The following CTNND2 variants were observed in gnomAD, a reference collection of about 807,000 sequenced individuals.
CTNND2 encodes the protein catenin delta 2, also known as catenin delta-2.
CTNND2 carries 22 observed loss-of-function variants against 144.4 expected under a neutral mutation model. The ratio of observed to expected loss-of-function variants is 0.15; its 90% CI spans 0.11 to 0.22. The LOEUF (loss-of-function observed/expected upper bound fraction) is 0.22. CTNND2 is among the 10% of genes least tolerant of loss of function. The probability of loss-of-function intolerance (pLI) is 1.00; values close to 1 mark genes in which losing one functional copy is unlikely to be tolerated. For synonymous variants in CTNND2, 751 were observed against 695.6 expected (o/e 1.08, Z -1.25); for missense variants, 1,353 against 1,618.8 (o/e 0.84, Z 2.82).
At chr5:11,542,045 G>A (rs1373343520) in intron 3 of CTNND2, among the ~76,000 whole-genome samples, 1 of 151,826 alleles carries the variant, frequency 6.6e-6, no homozygotes, top group Non-Finnish European at 1.5e-5. Context: ...CCCCCTTCCT[G>A]TTGAAAAAGC....
intron 1 of CTNND2, among the ~76,000 whole-genome samples, chr5:11,885,816 A>G (rs1236662422): frequency 6.6e-6 from 1 of 152,192 alleles, no homozygotes; most frequent in Non-Finnish European, 1.5e-5. Context: ...AAATAAAATC[A>G]TATCAAGTAC....
chr5:11,574,573 T>C (rs1777829331), intron 2 of CTNND2, among the ~76,000 whole-genome samples: 1 of 152,176 alleles, frequency 6.6e-6, no homozygotes, highest in African/African-American at 2.4e-5. Flanking sequence ...TTATTTTAGT[T>C]TTCCTCGCCT....
chr5:11,628,788 G>C (rs1296167315), intron 2 of CTNND2, among the ~76,000 whole-genome samples: 1 of 151,900 alleles, frequency 6.6e-6, no homozygotes, highest in Non-Finnish European at 1.5e-5. Flanking sequence ...AAAAAAAAGA[G>C]TGGTTAAAGC....
chr5:11,831,623 C>A (rs532156930), intron 1 of CTNND2, among the ~76,000 whole-genome samples: 1 of 149,648 alleles, frequency 6.7e-6, no homozygotes, highest in African/African-American at 2.5e-5. Flanking sequence ...GCCGAGATTG[C>A]GCCACTGCAC....
At chr5:11,806,630 G>T (rs551558652) in intron 1 of CTNND2, among the ~76,000 whole-genome samples, 53 of 152,184 alleles carry the variant, frequency 3.5e-4, no homozygotes, top group African/African-American at 1.1e-3. Flanking sequence ...AAAAACCTGG[G>T]TAAGTTCTTT....
chr5:11,615,240 T>C lies in CTNND2; in HGVS notation c.175-50184A>G, dbSNP rs142395777. Among the ~76,000 whole-genome samples the C allele has an allele frequency of 5.3e-5, 8 of 152,318 alleles. No homozygotes were observed. The East Asian group carries it at 1.4e-3, about 26-fold the overall frequency. ...CAAAAGAAATCACCATTACCTTTAATGGCAAAAACCGCAATTACTTTTGCA... is the reference window on the plus strand; with the variant it reads ...CAAAAGAAATCACCATTACCTTTAACGGCAAAAACCGCAATTACTTTTGCA... On this transcript the variant is annotated intron_variant, in intron 2 of 21. Transcript: ENST00000304623.
At chr5:11,059,220 CA>C (rs1378579968) in intron 16 of CTNND2, among the ~76,000 whole-genome samples, 1 of 152,136 alleles carries the variant, frequency 6.6e-6, no homozygotes, top group Non-Finnish European at 1.5e-5. Context: ...TGTCCACACC[CA>C]AATCTCATCT....
chr5:11,852,040 C>T (rs370186827), intron 1 of CTNND2, among the ~76,000 whole-genome samples: 11 of 152,160 alleles, frequency 7.2e-5, no homozygotes, highest in South Asian at 6.2e-4. Context: ...AATTAACTTA[C>T]GTCTCTTAAC....
intron 16 of CTNND2, among the ~76,000 whole-genome samples, chr5:11,053,300 T>A (rs1323485515): frequency 6.6e-6 from 1 of 152,230 alleles, no homozygotes; most frequent in Non-Finnish European, 1.5e-5. Flanking sequence ...GTGCTATGAA[T>A]GAAACAGATG....
chr5:11,668,158 G>A (rs1783677413), intron 2 of CTNND2, among the ~76,000 whole-genome samples: 1 of 152,150 alleles, frequency 6.6e-6, no homozygotes, highest in Non-Finnish European at 1.5e-5. Context: ...TGCTGTTTTG[G>A]TTACTGTAGC....
chr5:11,727,502 G>T (rs1481653382), intron 2 of CTNND2, among the ~76,000 whole-genome samples: 1 of 152,054 alleles, frequency 6.6e-6, no homozygotes. Context: ...TGCAACAAAA[G>T]TTAAAGGAAA....
At chr5:11,021,566 A>G (rs1347286475) in intron 17 of CTNND2, among the ~76,000 whole-genome samples, 1 of 152,200 alleles carries the variant, frequency 6.6e-6, no homozygotes, top group Non-Finnish European at 1.5e-5. Flanking sequence ...CTGCGCAATT[A>G]TTATATGAGT....
At chr5:11,764,275 A>G (rs988219567) in intron 1 of CTNND2, among the ~76,000 whole-genome samples, 6 of 152,140 alleles carry the variant, frequency 3.9e-5, no homozygotes, top group African/African-American at 1.4e-4. Flanking sequence ...CAGACCTACC[A>G]ACACCTTGAT....
At chr5:11,691,325 T>C (rs904568742) in intron 2 of CTNND2, among the ~76,000 whole-genome samples, 30 of 151,758 alleles carry the variant, frequency 2.0e-4, no homozygotes, top group African/African-American at 7.3e-4. Context: ...TGAGCCGAGA[T>C]TGCGCCACTT....
intron 2 of CTNND2, among the ~76,000 whole-genome samples, chr5:11,642,850 G>A (rs981262834): frequency 2.0e-5 from 3 of 152,148 alleles, no homozygotes; most frequent in East Asian, 1.9e-4. Flanking sequence ...AATAATTGCC[G>A]TGGTTACTGT....
intron 16 of CTNND2, among the ~76,000 whole-genome samples, chr5:11,040,230 G>C (rs889401689): frequency 1.3e-5 from 2 of 151,878 alleles, no homozygotes; most frequent in African/African-American, 4.8e-5. Context: ...TGGGTGACAG[G>C]GTAAGACTCA....
At chr5:11,770,960 A>T (rs1226287376) in intron 1 of CTNND2, among the ~76,000 whole-genome samples, 1 of 152,104 alleles carries the variant, frequency 6.6e-6, no homozygotes, top group Non-Finnish European at 1.5e-5. Flanking sequence ...CTTCTTGGTT[A>T]TGAGAAACAC....
chr5:11,712,952 T>C (rs1786118457), intron 2 of CTNND2, among the ~76,000 whole-genome samples: 1 of 152,206 alleles, frequency 6.6e-6, no homozygotes, highest in South Asian at 2.1e-4. Flanking sequence ...AATATAGTCA[T>C]TCATAGTATC....
intron 2 of CTNND2, among the ~76,000 whole-genome samples, chr5:11,589,592 C>T (rs908981617): frequency 3.9e-5 from 6 of 152,252 alleles, no homozygotes; most frequent in South Asian, 4.2e-4. Flanking sequence ...TTGCTAGATA[C>T]GGACTTTGAA....
Sources: gnomAD v4.1 joint callset for allele counts (sites outside exome capture counted in the v4.1 genomes callset) on GRCh38, gnomAD v4.1.1 for gene constraint, MANE v1.5 for transcripts, NCBI Gene and HGNC (gene_info 2026-07-23, HGNC 2026-07-21) for gene names.